Variants in PTPRQ observed in about 807,000 individuals in gnomAD.
PTPRQ encodes protein tyrosine phosphatase receptor type Q.
Under a neutral mutation model 246.0 loss-of-function variants are expected in PTPRQ, and 199 were observed. That is an observed-to-expected ratio of 0.81 (90% CI 0.72 to 0.91). The LOEUF (loss-of-function observed/expected upper bound fraction) is 0.91. Among genes scored for constraint, PTPRQ ranks in the 40% least tolerant of loss-of-function variants. The pLI is 0.00. For synonymous variants in PTPRQ, 869 were observed against 853.2 expected, an observed-to-expected ratio of 1.02 and a Z score of -0.32; for missense variants, 2,624 against 2,528.4, an observed-to-expected ratio of 1.04 and a Z score of -0.81.
intron 25 of PTPRQ, among the ~76,000 whole-genome samples, chr12:80,572,458 G>T (rs1439542545): frequency 6.6e-6 from 1 of 152,060 alleles, no homozygotes; most frequent in East Asian, 1.9e-4. Context: ...AAAATTAAAA[G>T]TATTTTTCTC....
At chr12:80,516,095 C>T (rs1281833940) in intron 17 of PTPRQ, among the ~76,000 whole-genome samples, 1 of 152,098 alleles carries the variant, frequency 6.6e-6, no homozygotes, top group Non-Finnish European at 1.5e-5. Context: ...CTAGGGCAAC[C>T]ACCATTAAAT....
intron 19 of PTPRQ, among the ~76,000 whole-genome samples, chr12:80,537,408 G>T (rs147713107): frequency 6.6e-6 from 1 of 152,168 alleles, no homozygotes; most frequent in African/African-American, 2.4e-5. Flanking sequence ...TCCTATTACC[G>T]ATAACTGTTG....
Position 80,619,476 on chromosome 12 carries a change from A to G in PTPRQ, c.5323A>G (p.Ile1775Val), listed in dbSNP as rs776444050. The change falls in exon 31 of 45, where the codon ATA becomes GTA. Residue 1775 changes from isoleucine (I) to valine (V), a missense_variant. Transcript: ENST00000644991. ...AACAACAATTACAATCAGAATGCCA[A>G]TATGTTACTACAGTGATGATCATGG... ...TSTTITIRMP[I>V]CYYSDDHGPI... The G allele has an allele frequency of 4.5e-6, 7 of 1,548,098 alleles. No individual in the cohort carries two copies. In the African/African-American group the frequency reaches 6.9e-5, roughly 15 times the overall value.
At chr12:80,466,034 G>T (rs554246103) in intron 6 of PTPRQ, among the ~76,000 whole-genome samples, 2 of 152,116 alleles carry the variant, frequency 1.3e-5, no homozygotes, top group Non-Finnish European at 2.9e-5. Context: ...GGAAGTAAAC[G>T]GTATTCAATT....
At chr12:80,628,705 C>A (rs1203488239) in intron 33 of PTPRQ, among the ~76,000 whole-genome samples, 2 of 151,992 alleles carry the variant, frequency 1.3e-5, no homozygotes, top group African/African-American at 4.8e-5. Context: ...AAAACAAAAA[C>A]CCCTGTACTC....
At chr12:80,475,817 A>G (rs921576008) in intron 8 of PTPRQ, among the ~76,000 whole-genome samples, 1 of 152,144 alleles carries the variant, frequency 6.6e-6, no homozygotes, top group Admixed American at 6.5e-5. Context: ...TATATAGAAT[A>G]TATAGAAATA....
At chr12:80,636,469 G>GC (rs1285601925) in intron 35 of PTPRQ, among the ~76,000 whole-genome samples, 2 of 152,078 alleles carry the variant, frequency 1.3e-5, no homozygotes, top group African/African-American at 4.8e-5. Flanking sequence ...TCCCCTATGG[G>GC]CCAAATGAAT....
At chr12:80,523,576 A>G (rs1417166732) in intron 17 of PTPRQ, among the ~76,000 whole-genome samples, 1 of 152,038 alleles carries the variant, frequency 6.6e-6, no homozygotes, top group African/African-American at 2.4e-5. Flanking sequence ...CTTTGTTCTC[A>G]TTGGTTTCAA....
At position 80,542,814 on chromosome 12, in the gene PTPRQ, C is replaced by T. The variant is rs1269924807; in HGVS notation, c.3806C>T (p.Pro1269Leu). ...VWLKWSPSPL[P>L]GGIVKVYSFK... ...CTGAAATGGAGCCCAAGTCCTCTTC[C>T]AGGTGGTATTGTTAAAGTATATAGT... The change falls in exon 23 of 45, where the codon CCA (proline) becomes CTA (leucine). Residue 1269 changes from proline (P) to leucine (L), a missense_variant. Pro to Leu is a moderately conservative substitution (Grantham distance 98). Coordinates refer to ENST00000644991, the MANE Select transcript of PTPRQ (RefSeq NM_001145026.2). 5.2e-6 allele frequency: 8 copies of T among 1,548,542 alleles called. No individual in the cohort carries two copies. The highest frequency in any genetic ancestry group is 1.4e-5 in the African/African-American group (1 of 73,002).
At chr12:80,644,387 A>C (rs1899994253) in intron 35 of PTPRQ, among the ~76,000 whole-genome samples, 1 of 152,294 alleles carries the variant, frequency 6.6e-6, no homozygotes, top group African/African-American at 2.4e-5. Context: ...TTTATCCAGT[A>C]ATGAACTGAT....
intron 10 of PTPRQ, among the ~76,000 whole-genome samples, 165 bp downstream of exon 10, chr12:80,493,620 C>T (rs1894520398): frequency 6.6e-6 from 1 of 151,880 alleles, no homozygotes; most frequent in South Asian, 2.1e-4. Flanking sequence ...ATGGAAATGC[C>T]ACACAGGCAG....
chr12:80,637,902 A>C (rs1359934209), intron 35 of PTPRQ, among the ~76,000 whole-genome samples: 1 of 152,104 alleles, frequency 6.6e-6, no homozygotes, highest in Non-Finnish European at 1.5e-5. Context: ...TAGCTCCCTA[A>C]ATTGTTGGCA....
intron 32 of PTPRQ, among the ~76,000 whole-genome samples, chr12:80,621,065 T>A (rs1244621155): frequency 6.6e-6 from 1 of 151,922 alleles, no homozygotes; most frequent in Non-Finnish European, 1.5e-5. Flanking sequence ...TACTAGTAAT[T>A]TTTTAAATGC....
chr12:80,496,929 C>G (rs1048991103), intron 14 of PTPRQ, among the ~76,000 whole-genome samples: 7 of 151,676 alleles, frequency 4.6e-5, no homozygotes, highest in Admixed American at 4.6e-4. Flanking sequence ...AGTGGGAGCA[C>G]AAAAATGGCA....
intron 25 of PTPRQ, among the ~76,000 whole-genome samples, chr12:80,554,144 T>C (rs549694034): frequency 6.6e-6 from 1 of 152,282 alleles, no homozygotes; most frequent in South Asian, 2.1e-4. Context: ...TAAGGTCTAG[T>C]ATTTGATAGC....
At chr12:80,673,807 T>C (rs1901050297) in intron 43 of PTPRQ, among the ~76,000 whole-genome samples, 2 of 152,124 alleles carry the variant, frequency 1.3e-5, no homozygotes, top group African/African-American at 2.4e-5. Context: ...TTGTTTGTTG[T>C]TTTGGCTTAT....
At chr12:80,656,523 C>CATG (rs1361185536) in intron 38 of PTPRQ, among the ~76,000 whole-genome samples, 2 of 152,040 alleles carry the variant, frequency 1.3e-5, no homozygotes, top group Non-Finnish European at 2.9e-5. Context: ...GTGGATATTT[C>CATG]ATGTTTAGTT....
At chr12:80,605,284 A>G (rs529550792) in intron 27 of PTPRQ, 104 bp downstream of exon 27, 20 of 1,376,502 alleles carry the variant, frequency 1.5e-5, no homozygotes, top group Non-Finnish European at 1.9e-5. Context: ...GTTAGACAGT[A>G]GGAAAATTAC....
chr12:80,586,832 A>T (rs187865438), intron 25 of PTPRQ: 1 of 152,256 alleles, frequency 6.6e-6, no homozygotes, highest in African/African-American at 2.4e-5. Flanking sequence ...ATTAATCTCT[A>T]AACAGTACAA....
Sources: allele counts gnomAD v4.1 joint callset (sites outside exome capture counted in the v4.1 genomes callset), GRCh38; gene constraint gnomAD v4.1.1; transcripts MANE v1.5; gene names NCBI Gene and HGNC (gene_info 2026-07-23, HGNC 2026-07-21).